The following FAT3 variants were observed in gnomAD, a reference collection of about 807,000 sequenced individuals.
The protein encoded by FAT3 is protocadherin Fat 3.
FAT3 carries 95 observed loss-of-function variants against 310.2 expected under a neutral mutation model. That is an observed-to-expected ratio of 0.31 (90% CI 0.26 to 0.36). The LOEUF (loss-of-function observed/expected upper bound fraction) is 0.36, where lower values mean the gene tolerates loss of function less well. Ranked by LOEUF, FAT3 falls within the 10% of genes least tolerant of loss-of-function variation. The pLI is 1.00. For synonymous variants in FAT3, 2,314 were observed against 2,192.9 expected (o/e 1.06, Z -1.54); for missense variants, 5,408 against 5,715.6 (o/e 0.95, Z 1.74).
At chr11:92,687,586 A>G (rs1372803392) in intron 3 of FAT3, among the ~76,000 whole-genome samples, 1 of 152,160 alleles carries the variant, frequency 6.6e-6, no homozygotes, top group Non-Finnish European at 1.5e-5. Context: ...AGTGATTCTT[A>G]TATGTGTCTA....
rs962116637 is a variant in FAT3 at position 92,883,462 on chromosome 11, C to T, written c.12937+69C>T. On this transcript the variant is annotated intron_variant, in intron 24 of 27. Coordinates refer to ENST00000525166, the MANE Select transcript of FAT3 (RefSeq NM_001367949.2). The surrounding 1 kb of genome is among the most constrained non-coding windows in gnomAD (Gnocchi z 4.2). ...AACCTGCAGGGGCGCTGTGCGAGGA[C>T]GCTACGGGAAGGGAGAGAGACCCCG... 2.0e-6 allele frequency: 3 copies of T among 1,525,110 alleles called. No homozygotes were observed. Among genetic ancestry groups the T allele is most frequent in the Middle Eastern group, 2.5e-4 (1 of 4,058 alleles). The allele number at this position is 1,525,110 out of a possible 1,614,324, so 94.5% of individuals were successfully genotyped here.
intron 3 of FAT3, among the ~76,000 whole-genome samples, chr11:92,594,038 A>G (rs1057360840): frequency 3.3e-5 from 5 of 152,148 alleles, no homozygotes; most frequent in Admixed American, 6.5e-5. Flanking sequence ...AAACAGGGAC[A>G]TGTGTCATGG....
intron 1 of FAT3, among the ~76,000 whole-genome samples, chr11:92,302,977 G>A (rs1244863549): frequency 1.3e-5 from 2 of 152,170 alleles, no homozygotes; most frequent in East Asian, 3.9e-4. Flanking sequence ...AAATAGGTTG[G>A]TAGCACTATT....
intron 2 of FAT3, among the ~76,000 whole-genome samples, chr11:92,444,662 G>GT (rs1330782282): frequency 7.2e-6 from 1 of 138,006 alleles, no homozygotes; most frequent in African/African-American, 2.9e-5. Flanking sequence ...ATATTACTGG[G>GT]GGGGGGGGAA....
intron 3 of FAT3, among the ~76,000 whole-genome samples, chr11:92,578,680 C>A (rs1938621182): frequency 6.6e-6 from 1 of 152,070 alleles, no homozygotes; most frequent in African/African-American, 2.4e-5. Flanking sequence ...ATTGCTAGTC[C>A]CTGAATCACC....
chr11:92,560,476 A>AT (rs774706373), intron 3 of FAT3, among the ~76,000 whole-genome samples: 6 of 134,136 alleles, frequency 4.5e-5, no homozygotes, highest in Admixed American at 8.1e-5. Context: ...ATTGCTTGTG[A>AT]TTTTGCTTTT....
chr11:92,421,199 C>CTATCA (rs1212445102), intron 2 of FAT3, among the ~76,000 whole-genome samples: 5 of 152,176 alleles, frequency 3.3e-5, no homozygotes, highest in African/African-American at 1.2e-4. Flanking sequence ...TGTAACTTGA[C>CTATCA]TATCACTTGA....
chr11:92,676,758 G>C (rs1224173409), intron 3 of FAT3, among the ~76,000 whole-genome samples: 1 of 152,186 alleles, frequency 6.6e-6, no homozygotes, highest in African/African-American at 2.4e-5. Context: ...ATTTAGGCCT[G>C]AAAGAGGAGA....
intron 3 of FAT3, among the ~76,000 whole-genome samples, chr11:92,624,308 G>T (rs1485157278): frequency 1.3e-5 from 2 of 152,186 alleles, no homozygotes; most frequent in African/African-American, 4.8e-5. Context: ...AGAGATGGGT[G>T]ATGTCTGACG....
At chr11:92,622,063 C>T (rs1200230602) in intron 3 of FAT3, among the ~76,000 whole-genome samples, 1 of 152,098 alleles carries the variant, frequency 6.6e-6, no homozygotes, top group Admixed American at 6.5e-5. Flanking sequence ...TAATTTTCCC[C>T]CAGCACCTTA....
In FAT3 at chr11:92,800,516, C is replaced by T. The variant is rs562892801; in HGVS notation, c.7503C>T (p.Tyr2501=). 1.3e-4 allele frequency: 211 copies of T among 1,613,936 alleles called. 1 individual carries two copies. The South Asian group carries it at 2.0e-3, about 16-fold the overall frequency. Residue 2501 remains tyrosine (Y), a synonymous_variant, in exon 10 of 28, where the codon TAC becomes TAT. Coordinates refer to ENST00000525166, the MANE Select transcript of FAT3 (RefSeq NM_001367949.2). ...GCCCTGCCTTTTCACAAAGCACATA[C>T]GTAGCTGAGGTGAGAGAGAACGTGG... is the stretch of plus-strand genomic sequence containing the variant. ...LYSPAFSQST[Y]VAEVRENVAA...
chr11:92,479,283 T>G (rs148598792), intron 2 of FAT3, among the ~76,000 whole-genome samples: 1,623 of 151,710 alleles, frequency 0.011, 30 homozygotes, highest in African/African-American at 0.037. Flanking sequence ...AGTGCTGGGA[T>G]TACAGGTATG....
At chr11:92,258,690 A>T (rs1403848751) in intron 1 of FAT3, among the ~76,000 whole-genome samples, 1 of 152,100 alleles carries the variant, frequency 6.6e-6, no homozygotes, top group Non-Finnish European at 1.5e-5. Flanking sequence ...AAATGTGAGC[A>T]TCTTAACATT....
chr11:92,822,426 A>G (rs1176107420), intron 13 of FAT3, among the ~76,000 whole-genome samples: 1 of 152,062 alleles, frequency 6.6e-6, no homozygotes, highest in South Asian at 2.1e-4. Flanking sequence ...GAAAATCTCC[A>G]TCCACCCCTG....
intron 3 of FAT3, among the ~76,000 whole-genome samples, chr11:92,602,162 C>T (rs942388319): frequency 1.3e-5 from 2 of 152,138 alleles, no homozygotes; most frequent in African/African-American, 4.8e-5. Flanking sequence ...CAACCTCCGC[C>T]TCCAGGGTTC....
chr11:92,591,378 G>A (rs1024782178), intron 3 of FAT3, among the ~76,000 whole-genome samples: 6 of 152,096 alleles, frequency 3.9e-5, no homozygotes, highest in Non-Finnish European at 7.4e-5. Context: ...CTTATATGTA[G>A]CACTGTGAGA....
At chr11:92,431,662 T>C (rs1950783559) in intron 2 of FAT3, among the ~76,000 whole-genome samples, 1 of 152,226 alleles carries the variant, frequency 6.6e-6, no homozygotes, top group Non-Finnish European at 1.5e-5. Context: ...ATGTAAGTCT[T>C]TAATCCATCT....
chr11:92,769,951 C>G (rs1259003540), intron 6 of FAT3, among the ~76,000 whole-genome samples: 2 of 152,196 alleles, frequency 1.3e-5, no homozygotes, highest in African/African-American at 4.8e-5. Flanking sequence ...GGACTAGCAG[C>G]AGCCTTGTTC....
At chr11:92,392,957 G>A (rs1949782404) in intron 2 of FAT3, among the ~76,000 whole-genome samples, 1 of 152,122 alleles carries the variant, frequency 6.6e-6, no homozygotes, top group African/African-American at 2.4e-5. Context: ...CCTCAGTTGC[G>A]GGTTGGAGGA....
Sources: allele counts gnomAD v4.1 joint callset (sites outside exome capture counted in the v4.1 genomes callset), GRCh38; gene constraint gnomAD v4.1.1; non-coding constraint Gnocchi (gnomAD v3.1); transcripts MANE v1.5; gene names NCBI Gene and HGNC (gene_info 2026-07-23, HGNC 2026-07-21).